Variants in SMC1B observed in about 807,000 individuals in gnomAD.
The protein encoded by SMC1B is structural maintenance of chromosomes 1B, also known as structural maintenance of chromosomes protein 1B.
A neutral mutation model predicts 157.9 loss-of-function variants in SMC1B; 60 were observed. The observed-to-expected ratio is 0.38, with a 90% CI of 0.31 to 0.47. The LOEUF is 0.47. SMC1B is among the 20% of genes least tolerant of loss of function. The pLI is 0.99. For synonymous variants in SMC1B, 445 were observed against 483.0 expected, an observed-to-expected ratio of 0.92 and a Z score of 1.03; for missense variants, 1,165 against 1,426.2, an observed-to-expected ratio of 0.82 and a Z score of 2.95.
At chr22:45,373,034 C>T (rs1049446919) in intron 12 of SMC1B, among the ~76,000 whole-genome samples, 24 of 152,224 alleles carry the variant, frequency 1.6e-4, no homozygotes, top group African/African-American at 5.8e-4. Flanking sequence ...TTCAGATAAA[C>T]TCTTTCAACC....
chr22:45,374,347 T>A (rs2146800654), intron 12 of SMC1B, among the ~76,000 whole-genome samples: 1 of 152,182 alleles, frequency 6.6e-6, no homozygotes, highest in Non-Finnish European at 1.5e-5. Context: ...ATTATAATGG[T>A]CTTTCTAGAG....
intron 1 of SMC1B, among the ~76,000 whole-genome samples, chr22:45,413,044 A>T (rs1415569087): frequency 8.6e-6 from 1 of 116,466 alleles, no homozygotes; most frequent in Non-Finnish European, 1.7e-5. Flanking sequence ...AGGAAGCGTC[A>T]GGACCCCCAG....
intron 12 of SMC1B, among the ~76,000 whole-genome samples, chr22:45,375,455 T>G (rs2086875584): frequency 6.6e-6 from 1 of 152,194 alleles, no homozygotes; most frequent in African/African-American, 2.4e-5. Context: ...ACTTTCTAAA[T>G]TAACTGAGAC....
In SMC1B at chr22:45,344,608, T is replaced by A; in HGVS notation, c.3656A>T (p.Tyr1219Phe). The change falls in exon 25 of 25, where the codon TAT (tyrosine) becomes TTT (phenylalanine). Residue 1219 changes from tyrosine to phenylalanine, a missense_variant. Tyr to Phe is a conservative substitution (Grantham distance 22, BLOSUM62 3). Coordinates refer to ENST00000357450, the MANE Select transcript of SMC1B (RefSeq NM_148674.5). ...SRVLTLDLSQYPDTEGQESSK... is the reference protein window; with the variant it reads ...SRVLTLDLSQFPDTEGQESSK... Reference sequence around the variant, plus strand: ...GCTTTCTTGGCCTTCAGTGTCTGGATACTGAGAAAGATCTAGGGTCAAAAC... The same window carrying A: ...GCTTTCTTGGCCTTCAGTGTCTGGAAACTGAGAAAGATCTAGGGTCAAAAC... 1 of 1,614,144 alleles carries A rather than the reference T, an allele frequency of 6.2e-7. No individual in the cohort carries two copies. Among genetic ancestry groups the A allele is most frequent in the South Asian group, 1.1e-5 (1 of 91,080 alleles).
At chr22:45,353,912 A>C (rs13058603) in intron 21 of SMC1B, 66 bp downstream of exon 21, 3 of 728,668 alleles carry the variant, frequency 4.1e-6, no homozygotes, top group Non-Finnish European at 4.0e-6. Flanking sequence ...AAAAAAAAAA[A>C]AAAAAAAACA....
intron 19 of SMC1B, among the ~76,000 whole-genome samples, chr22:45,356,752 CAG>C (rs1428059307): frequency 8.1e-6 from 1 of 123,546 alleles, no homozygotes; most frequent in Non-Finnish European, 1.6e-5. Flanking sequence ...TTTTTTGAGA[CAG>C]AGTCTTTCTC....
At chr22:45,351,808 A>C (rs1195417904) in intron 22 of SMC1B, among the ~76,000 whole-genome samples, 1 of 152,220 alleles carries the variant, frequency 6.6e-6, no homozygotes, top group Non-Finnish European at 1.5e-5. Context: ...TGAATGTTGA[A>C]AGAGGTTAAT....
chr22:45,346,948 G>A (rs1023116056), intron 23 of SMC1B, among the ~76,000 whole-genome samples: 1 of 152,210 alleles, frequency 6.6e-6, no homozygotes, highest in Non-Finnish European at 1.5e-5. Flanking sequence ...GGTACTAGTA[G>A]GAGTCTGAAG....
chr22:45,389,749 G>C lies in SMC1B; in HGVS notation c.1694C>G (p.Ala565Gly). ...TAGAGCGAGGAATGTCTCAGGTTCA[G>C]CTCTTTCCTCCTTCAGAAATCGAAT... ...DCIRFLKEER[A>G]EPETFLALDY... is the part of the protein sequence containing the mutation. The change falls in exon 10 of 25, where the codon GCT (alanine) becomes GGT (glycine). Residue 565 changes from alanine to glycine, a missense_variant. Coordinates refer to ENST00000357450, the MANE Select transcript of SMC1B (RefSeq NM_148674.5). 6.2e-7 allele frequency: 1 copy of C among 1,614,036 alleles called. No individual in the cohort carries two copies. Among genetic ancestry groups the C allele is most frequent in the Non-Finnish European group, 8.5e-7 (1 of 1,179,940 alleles).
At chr22:45,394,657 T>G (rs1194977162) in intron 8 of SMC1B, 28 bp downstream of exon 8, 1 of 1,498,546 alleles carries the variant, frequency 6.7e-7, no homozygotes. Context: ...AGAAAATTGC[T>G]GCAAGAAATT....
intron 15 of SMC1B, among the ~76,000 whole-genome samples, chr22:45,368,548 C>T (rs373903714): frequency 4.1e-5 from 6 of 148,036 alleles, no homozygotes; most frequent in East Asian, 3.9e-4. Flanking sequence ...GACCGAGTCT[C>T]GCTCTGTCAC....
intron 11 of SMC1B, among the ~76,000 whole-genome samples, chr22:45,383,921 T>TG (rs1421918761): frequency 6.6e-6 from 1 of 152,206 alleles, no homozygotes; most frequent in Non-Finnish European, 1.5e-5. Context: ...CTTGTACACA[T>TG]ATCATTTCAT....
chr22:45,354,925 A>T (rs767377155), intron 20 of SMC1B, 34 bp downstream of exon 20: 1 of 1,604,378 alleles, frequency 6.2e-7, no homozygotes, highest in Non-Finnish European at 8.5e-7. Context: ...ACACCCATGA[A>T]TATAATCTTG....
intron 1 of SMC1B, among the ~76,000 whole-genome samples, chr22:45,410,903 G>A (rs555942136): frequency 1.3e-5 from 2 of 152,138 alleles, no homozygotes; most frequent in African/African-American, 4.8e-5. Flanking sequence ...CGGCTTTTTT[G>A]GGTTAATGGA....
intron 21 of SMC1B, among the ~76,000 whole-genome samples, chr22:45,353,321 T>G (rs1157113366): frequency 6.6e-6 from 1 of 151,686 alleles, no homozygotes; most frequent in African/African-American, 2.4e-5. Context: ...GGTTTTAGTC[T>G]TACTTTACTG....
chr22:45,409,990 G>T (rs1020115471), intron 1 of SMC1B, among the ~76,000 whole-genome samples: 2 of 152,268 alleles, frequency 1.3e-5, no homozygotes, highest in East Asian at 1.9e-4. Flanking sequence ...CGATAAAAAC[G>T]CTGCACATTG....
At chr22:45,393,942 G>C in intron 8 of SMC1B, 101 bp from the exon 9 acceptor site, 5 of 735,460 alleles carry the variant, frequency 6.8e-6, no homozygotes, top group Non-Finnish European at 1.1e-5. Context: ...GAATAGAGCA[G>C]TGCTCTATCA....
intron 14 of SMC1B, 97 bp from the exon 15 acceptor site, chr22:45,370,157 C>T: frequency 1.6e-6 from 1 of 634,078 alleles, no homozygotes; most frequent in East Asian, 3.3e-5. Context: ...CTGAATTAGG[C>T]CAAAAACTAA....
intron 10 of SMC1B, among the ~76,000 whole-genome samples, chr22:45,388,261 G>A (rs1345466094): frequency 6.6e-6 from 1 of 152,142 alleles, no homozygotes; most frequent in Non-Finnish European, 1.5e-5. Context: ...GTATGTGTGT[G>A]TATATACATT....
Sources: allele counts gnomAD v4.1 joint callset (sites outside exome capture counted in the v4.1 genomes callset), GRCh38; gene constraint gnomAD v4.1.1; transcripts MANE v1.5; gene names NCBI Gene and HGNC (gene_info 2026-07-23, HGNC 2026-07-21).